ITIH5: variants seen among roughly 807,000 people sequenced by gnomAD.
The protein encoded by ITIH5 is inter-alpha-trypsin inhibitor heavy chain 5, also known as inter-alpha-trypsin inhibitor heavy chain H5.
ITIH5 carries 65 observed loss-of-function variants against 77.5 expected under a neutral mutation model. That is an observed-to-expected ratio of 0.84 (90% CI 0.69 to 1.03). The LOEUF (loss-of-function observed/expected upper bound fraction) is 1.03, where lower values mean the gene tolerates loss of function less well. ITIH5 is among the 50% of genes least tolerant of loss of function. The probability of loss-of-function intolerance (pLI) is 0.00; values close to 1 mark genes in which losing one functional copy is unlikely to be tolerated. For missense variants in ITIH5, 1,208 were observed against 1,213.1 expected (o/e 1.00, Z 0.06); for synonymous variants, 525 against 494.3 (o/e 1.06, Z -0.82).
At chr10:7,648,528 G>A (rs61834801) in intron 2 of ITIH5, among the ~76,000 whole-genome samples, 18,751 of 152,218 alleles carry the variant, frequency 0.12, 1,544 homozygotes, top group Non-Finnish European at 0.18. Context: ...TTACATAAAA[G>A]TAGAATACTA....
chr10:7,663,209 T>C (rs1211159978), intron 1 of ITIH5, among the ~76,000 whole-genome samples: 1 of 152,246 alleles, frequency 6.6e-6, no homozygotes, highest in Non-Finnish European at 1.5e-5. Context: ...TAGTAGGTTG[T>C]TGCAGCTGTC....
rs183837171 is a variant in ITIH5 at position 7,590,552 on chromosome 10, A to G, written c.940-4483T>C. Among the ~76,000 whole-genome samples the G allele has an allele frequency of 3.3e-5, 5 of 152,362 alleles. No individual in the cohort carries two copies. The East Asian group carries it at 5.8e-4, about 18-fold the overall frequency. Reference sequence around the variant, plus strand: ...TCATATAATACATACATCGTGCTGTAAAGTTTCTCTTTACTGTAACGTATC... The same window carrying G: ...TCATATAATACATACATCGTGCTGTGAAGTTTCTCTTTACTGTAACGTATC... On this transcript the variant is annotated intron_variant, in intron 7 of 13. Transcript: ENST00000397146.
intron 1 of ITIH5, among the ~76,000 whole-genome samples, chr10:7,665,330 A>C (rs1834344533): frequency 6.6e-6 from 1 of 152,204 alleles, no homozygotes; most frequent in African/African-American, 2.4e-5. Context: ...AAAAAGTTTC[A>C]AGATCTTTAC....
rs1411932749 is a variant in ITIH5, at chr10:7,560,879, T to C, written c.*2204A>G. The C allele has an allele frequency of 6.6e-6, 1 of 152,176 alleles. No homozygotes were observed. Among genetic ancestry groups the C allele is most frequent in the Admixed American group, 6.5e-5 (1 of 15,278 alleles). The allele number at this position is 152,176 out of a possible 1,614,324, so 9.4% of individuals were successfully genotyped here. ...GTGTAGCCCTGCATTAAGTATGTTG[T>C]ATGACTTGGCAAAAACCACTCCACG... is the stretch of plus-strand genomic sequence containing the variant. On this transcript the variant is annotated 3_prime_UTR_variant, in exon 14 of 14. Transcript: ENST00000397146.
intron 7 of ITIH5, among the ~76,000 whole-genome samples, chr10:7,608,143 C>T (rs951732451): frequency 2.6e-5 from 4 of 152,220 alleles, no homozygotes; most frequent in African/African-American, 7.2e-5. Flanking sequence ...TTTCTGAGCG[C>T]CTTCATTTGT....
At chr10:7,600,565 C>T (rs1469532927) in intron 7 of ITIH5, 3 of 456,594 alleles carry the variant, frequency 6.6e-6, no homozygotes, top group Non-Finnish European at 1.3e-5. Context: ...TACACGTGCA[C>T]CTAGAAGAGA....
intron 9 of ITIH5, chr10:7,578,276 C>G (rs534894848): frequency 2.9e-4 from 48 of 167,636 alleles, no homozygotes; most frequent in African/African-American, 1.1e-3. Context: ...GCAGCTTAGC[C>G]TTTACCCTAA....
At chr10:7,609,555 ACTCGTTAATT>A (rs1259599786) in intron 7 of ITIH5, 2 of 443,402 alleles carry the variant, frequency 4.5e-6, no homozygotes, top group African/African-American at 4.0e-5. Flanking sequence ...CAGTCCTCCT[ACTCGTTAATT>A]CACGTTTGCC....
chr10:7,632,079 A>G (rs1301949362), intron 5 of ITIH5, among the ~76,000 whole-genome samples: 5 of 151,988 alleles, frequency 3.3e-5, no homozygotes, highest in Non-Finnish European at 5.9e-5. Context: ...GATTACAGGC[A>G]TGAACCACTG....
chr10:7,608,864 C>T (rs1382691229), intron 7 of ITIH5, among the ~76,000 whole-genome samples: 1 of 152,210 alleles, frequency 6.6e-6, no homozygotes, highest in East Asian at 1.9e-4. Context: ...AGAACAGCTT[C>T]GTGAGTTTTT....
intron 2 of ITIH5, among the ~76,000 whole-genome samples, chr10:7,645,056 GGGCAAGCAC>G (rs1466552463): frequency 1.3e-5 from 2 of 150,956 alleles, no homozygotes; most frequent in Non-Finnish European, 2.9e-5. Context: ...GGGAGAGAAT[GGGCAAGCAC>G]TCCATGCAAA....
chr10:7,566,905 GA>G (rs1832195938), intron 12 of ITIH5, among the ~76,000 whole-genome samples: 3 of 108,364 alleles, frequency 2.8e-5, no homozygotes, highest in Non-Finnish European at 3.8e-5. Context: ...AGAAGAAGAA[GA>G]AGAAGAAGAA....
At chr10:7,597,064 A>AAAAAAAAAAAAAAT (rs1832917470) in intron 7 of ITIH5, among the ~76,000 whole-genome samples, 1 of 145,970 alleles carries the variant, frequency 6.9e-6, no homozygotes, top group Non-Finnish European at 1.5e-5. Context: ...AAAAAAAAAA[A>AAAAAAAAAAAAAAT]TTCCACCAAA....
At chr10:7,595,007 TC>T (rs1462147549) in intron 7 of ITIH5, among the ~76,000 whole-genome samples, 4 of 152,188 alleles carry the variant, frequency 2.6e-5, no homozygotes, top group African/African-American at 9.6e-5. Flanking sequence ...GGGCGTCATC[TC>T]TGCTAACACA....
Position 7,570,482 on chromosome 10 carries a change from TCTC to T in ITIH5, c.2033-701_2033-699del, listed in dbSNP as rs572996709. 486 of 152,300 alleles carry T rather than the reference TCTC, an allele frequency of 3.2e-3. 2 individuals are homozygous for T. Among genetic ancestry groups the T allele is most frequent in the African/African-American group, 0.011 (470 of 41,574 alleles). 9.4% of individuals were successfully genotyped at this position (152,300 alleles called of 1,614,324 possible). A position where few individuals can be genotyped will look rare whatever the true frequency, so the allele number is the denominator to read the frequency against. ...AGTTCAGCTGACAGTTCTTATCTGTTCTCCTCATTTTCACCTCTGTTAAAGGTG... is the reference window on the plus strand; with the variant it reads ...AGTTCAGCTGACAGTTCTTATCTGTTCTCATTTTCACCTCTGTTAAAGGTG... On this transcript the variant is annotated intron_variant, in intron 11 of 13. Coordinates refer to ENST00000397146, the MANE Select transcript of ITIH5 (RefSeq NM_030569.7).
chr10:7,573,277 G>A, intron 10 of ITIH5, 82 bp from the exon 11 acceptor site: 1 of 1,159,968 alleles, frequency 8.6e-7, no homozygotes, highest in East Asian at 2.4e-5. Flanking sequence ...GAGGAGACAT[G>A]AGCAAAACAC....
intron 5 of ITIH5, among the ~76,000 whole-genome samples, chr10:7,624,798 A>AAAATATATATATATATACAC (rs1471890933): frequency 1.1e-4 from 7 of 61,798 alleles, no homozygotes; most frequent in African/African-American, 4.2e-4. Context: ...AAAAAAAAAA[A>AAAATATATATATATATACAC]ATATATATAT....
intron 7 of ITIH5, among the ~76,000 whole-genome samples, chr10:7,591,911 G>A (rs1040555283): frequency 2.2e-4 from 33 of 151,696 alleles, no homozygotes; most frequent in Non-Finnish European, 3.4e-4. Flanking sequence ...TTGCTTTATC[G>A]CCAGGCTGGA....
intron 7 of ITIH5, among the ~76,000 whole-genome samples, chr10:7,611,202 C>T (rs556166857): frequency 8.5e-5 from 13 of 152,356 alleles, no homozygotes; most frequent in African/African-American, 2.9e-4. Context: ...AACTTATCTA[C>T]CTTTGCAAAG....
Sources: allele counts gnomAD v4.1 joint callset (sites outside exome capture counted in the v4.1 genomes callset), GRCh38; gene constraint gnomAD v4.1.1; transcripts MANE v1.5; gene names NCBI Gene and HGNC (gene_info 2026-07-23, HGNC 2026-07-21).